The following RBM20 variants were observed in gnomAD, a reference collection of about 807,000 sequenced individuals.
The protein encoded by RBM20 is RNA-binding protein 20.
In RBM20, 51 loss-of-function variants were observed where a neutral mutation model predicts 110.1. That is an observed-to-expected ratio of 0.46 (90% CI 0.37 to 0.59). RBM20 has a LOEUF of 0.59. RBM20 is among the 20% of genes least tolerant of loss of function. RBM20 has a pLI of 0.00. For missense variants in RBM20, 1,512 were observed against 1,574.9 expected (o/e 0.96, Z 0.68); for synonymous variants, 589 against 618.2 (o/e 0.95, Z 0.70).
chr10:110,743,592 C>T (rs1843745301), intron 1 of RBM20, among the ~76,000 whole-genome samples: 1 of 151,982 alleles, frequency 6.6e-6, no homozygotes, highest in Admixed American at 6.6e-5. Context: ...TGCATGCATG[C>T]ATGCAATACC....
At chr10:110,726,312 A>G (rs925720475) in intron 1 of RBM20, among the ~76,000 whole-genome samples, 7 of 152,238 alleles carry the variant, frequency 4.6e-5, no homozygotes, top group South Asian at 2.1e-4. Context: ...CTACAGCATC[A>G]TATTTTCTCC....
rs1486165552 is a variant in RBM20 at position 110,704,078 on chromosome 10, C to T, written c.191+59433C>T. 3.3e-5 allele frequency among the ~76,000 whole-genome samples: 5 copies of T among 152,218 alleles called. No individual in the cohort carries two copies. In the East Asian group the frequency reaches 9.6e-4, roughly 29 times the overall value. On this transcript the variant is annotated intron_variant, in intron 1 of 13. Coordinates refer to ENST00000369519, the MANE Select transcript of RBM20 (RefSeq NM_001134363.3). ...AGTAAGCTGAGATCACACTACCACACTCCAGCCTGGGCAACAAAGCAAGAC... is the reference window on the plus strand; with the variant it reads ...AGTAAGCTGAGATCACACTACCACATTCCAGCCTGGGCAACAAAGCAAGAC...
At chr10:110,811,824 T>G (rs1196048831) in intron 8 of RBM20, among the ~76,000 whole-genome samples, 7 of 152,094 alleles carry the variant, frequency 4.6e-5, no homozygotes, top group Admixed American at 4.6e-4. Context: ...TGGCTTCAAG[T>G]CTTGTAGCTA....
At chr10:110,826,749 G>A (rs924338726) in intron 12 of RBM20, among the ~76,000 whole-genome samples, 4 of 151,814 alleles carry the variant, frequency 2.6e-5, no homozygotes, top group Non-Finnish European at 5.9e-5. Flanking sequence ...CGCCTGGCTA[G>A]TTTTTGGTCT....
chr10:110,812,535 A>G lies in RBM20; in HGVS notation c.2138A>G (p.His713Arg), dbSNP rs1333523837. 6.4e-7 allele frequency: 1 copy of G among 1,551,464 alleles called. No individual in the cohort carries two copies. Among genetic ancestry groups the G allele is most frequent in the Non-Finnish European group, 8.7e-7 (1 of 1,146,980 alleles). ...GACCCCTGGGCACATGATCGCAAAC[A>G]CCACCCCCGGCAACTGGACAAGGCT... ...RMDPWAHDRK[H>R]HPRQLDKAEL... The change falls in exon 9 of 14, where the codon CAC (histidine) becomes CGC (arginine). Residue 713 changes from histidine to arginine, a missense_variant. By Grantham distance (29) the His-to-Arg change is conservative (BLOSUM62 0). This residue lies in a region of RBM20 where 1,149 missense variants were observed against 1,169.4 expected (regional missense o/e 0.98). Coordinates refer to ENST00000369519, the MANE Select transcript of RBM20 (RefSeq NM_001134363.3).
In RBM20 at chr10:110,781,702, G is replaced by T. The variant is rs201047984; in HGVS notation, c.1093G>T (p.Gly365Trp). ...PTSDRTPPSF[G>W]GRLNNSKQGF... ...CTCAGACAGGACACCTCCTTCCTTC[G>T]GGGGTCGGCTTAACAACAGCAAACA... is the stretch of plus-strand genomic sequence containing the variant. Residue 365 changes from glycine (G) to tryptophan (W), a missense_variant, in exon 2 of 14, where the codon GGG becomes TGG. By Grantham distance (184) the Gly-to-Trp change is radical. This residue lies in a region of RBM20 where 1,149 missense variants were observed against 1,169.4 expected (regional missense o/e 0.98). Coordinates refer to ENST00000369519, the MANE Select transcript of RBM20 (RefSeq NM_001134363.3). 1 of 1,550,684 alleles carries T rather than the reference G, an allele frequency of 6.4e-7. No individual in the cohort carries two copies. The highest frequency in any genetic ancestry group is 8.7e-7 in the Non-Finnish European group (1 of 1,146,132).
chr10:110,809,218 T>TAAAAAAAAAAAAAAAAAAAAAAAAAAAA lies in RBM20; in HGVS notation c.1801-1151_1801-1150insAAAAAAAAAAAAAAAAAAAAAAAAAAAA, dbSNP rs60697105. 7.8e-4 allele frequency among the ~76,000 whole-genome samples: 47 copies of TAAAAAAAAAAAAAAAAAAAAAAAAAAAA among 60,636 alleles called. 4 individuals are homozygous for TAAAAAAAAAAAAAAAAAAAAAAAAAAAA. The highest frequency in any genetic ancestry group is 9.4e-4 in the Non-Finnish European group (27 of 28,670). 39.8% of individuals were successfully genotyped at this position (60,636 alleles called of 152,430 possible). ...AGTGACAGAGCAAGACCCCGTTTCTTAAAAAAAAAAAAAATTGCATGATTC... is the reference window on the plus strand; with the variant it reads ...AGTGACAGAGCAAGACCCCGTTTCTTAAAAAAAAAAAAAAAAAAAAAAAAAAAAAAAAAAAAAAAAAATTGCATGATTC... On this transcript the variant is annotated intron_variant, in intron 7 of 13. Transcript: ENST00000369519.
intron 1 of RBM20, among the ~76,000 whole-genome samples, chr10:110,713,440 G>A (rs1185814938): frequency 6.6e-6 from 1 of 152,122 alleles, no homozygotes; most frequent in African/African-American, 2.4e-5. Context: ...GGTGCAATAC[G>A]ATTATAACCC....
chr10:110,705,908 C>A (rs1044251362), intron 1 of RBM20, among the ~76,000 whole-genome samples: 1 of 151,914 alleles, frequency 6.6e-6, no homozygotes, highest in Non-Finnish European at 1.5e-5. Context: ...TGGTGAAACC[C>A]CCATCTCTAC....
chr10:110,749,599 C>G (rs1185445258), intron 1 of RBM20, among the ~76,000 whole-genome samples: 1 of 152,002 alleles, frequency 6.6e-6, no homozygotes, highest in Admixed American at 6.5e-5. Context: ...GAAACCAATT[C>G]TAAAATTGAT....
intron 1 of RBM20, among the ~76,000 whole-genome samples, chr10:110,716,842 G>A (rs886951964): frequency 2.0e-5 from 3 of 151,764 alleles, no homozygotes; most frequent in African/African-American, 7.3e-5. Context: ...GCGGGAACCT[G>A]GGAGGTGGAG....
intron 1 of RBM20, among the ~76,000 whole-genome samples, chr10:110,686,879 A>T (rs1272929519): frequency 6.6e-6 from 1 of 151,550 alleles, no homozygotes; most frequent in Non-Finnish European, 1.5e-5. Flanking sequence ...CCTCTACTAA[A>T]AATATAAAAA....
At chr10:110,742,649 A>C (rs1004208164) in intron 1 of RBM20, among the ~76,000 whole-genome samples, 5 of 152,176 alleles carry the variant, frequency 3.3e-5, no homozygotes, top group African/African-American at 1.2e-4. Flanking sequence ...TCTTTCTTTT[A>C]CAAAAGACAA....
At chr10:110,722,267 T>C (rs1843515979) in intron 1 of RBM20, among the ~76,000 whole-genome samples, 1 of 152,180 alleles carries the variant, frequency 6.6e-6, no homozygotes, top group African/African-American at 2.4e-5. Flanking sequence ...ACTTTATTTT[T>C]TAGAGAAGTT....
chr10:110,747,301 G>C (rs181936486), intron 1 of RBM20, among the ~76,000 whole-genome samples: 5 of 150,802 alleles, frequency 3.3e-5, no homozygotes, highest in East Asian at 1.9e-4. Context: ...TTTTTTGGGG[G>C]GGGGGGTCAT....
At chr10:110,806,580 C>T (rs1844698412) in intron 7 of RBM20, among the ~76,000 whole-genome samples, 1 of 152,160 alleles carries the variant, frequency 6.6e-6, no homozygotes, top group South Asian at 2.1e-4. Context: ...CACCAGGCCC[C>T]ACCTTCAACA....
chr10:110,800,934 T>A (rs1013170078), intron 7 of RBM20, among the ~76,000 whole-genome samples: 1 of 152,182 alleles, frequency 6.6e-6, no homozygotes, highest in Non-Finnish European at 1.5e-5. Context: ...GACATTTGAG[T>A]TGTTTTAGGG....
chr10:110,745,675 A>G (rs1052252092), intron 1 of RBM20, among the ~76,000 whole-genome samples: 3 of 152,148 alleles, frequency 2.0e-5, no homozygotes, highest in Admixed American at 6.5e-5. Context: ...GTCATATCCA[A>G]TTCAATGTCA....
Position 110,678,192 on chromosome 10 carries a change from A to G in RBM20, c.191+33547A>G, listed in dbSNP as rs1204391546. The stretch of plus-strand genomic sequence containing the variant: ...CAATGTGGGGAAATAGAGCTATGGG[A>G]GTACTCAAAAGTTTATCCACACAAA... On this transcript the variant is annotated intron_variant, in intron 1 of 13. Transcript: ENST00000369519. Among the ~76,000 whole-genome samples the G allele has an allele frequency of 2.0e-5, 3 of 152,228 alleles. No individual in the cohort carries two copies. The East Asian group carries it at 5.8e-4, about 29-fold the overall frequency.
Sources: gnomAD v4.1 joint callset for allele counts (sites outside exome capture counted in the v4.1 genomes callset) on GRCh38, gnomAD v4.1.1 for gene constraint, gnomAD v4.1.1 regional missense constraint, MANE v1.5 for transcripts, NCBI Gene and HGNC (gene_info 2026-07-23, HGNC 2026-07-21) for gene names.